ZNF804B: variants seen among roughly 807,000 people sequenced by gnomAD.
ZNF804B encodes the protein zinc finger 804B.
Under a neutral mutation model 101.4 loss-of-function variants are expected in ZNF804B, and 80 were observed. That is an observed-to-expected ratio of 0.79 (90% CI 0.66 to 0.95). The LOEUF is 0.95. Ranked by LOEUF, ZNF804B falls within the 40% of genes least tolerant of loss-of-function variation. The pLI, the probability that ZNF804B is intolerant of heterozygous loss-of-function variation, is 0.00. For synonymous variants in ZNF804B, 622 were observed against 558.8 expected (o/e 1.11, Z -1.59); for missense variants, 1,673 against 1,561.9 (o/e 1.07, Z -1.20).
intron 2 of ZNF804B, among the ~76,000 whole-genome samples, chr7:89,229,766 C>T (rs1031749455): frequency 1.3e-5 from 2 of 152,078 alleles, no homozygotes; most frequent in African/African-American, 2.4e-5. Context: ...AGTATACATT[C>T]GTCTCCAACT....
chr7:88,868,077 G>GTT (rs1791762129), intron 1 of ZNF804B, among the ~76,000 whole-genome samples: 5 of 151,324 alleles, frequency 3.3e-5, no homozygotes, highest in Admixed American at 3.3e-4. Flanking sequence ...GTGTGTGTGT[G>GTT]TGTGTGTGTA....
In ZNF804B at chr7:88,968,242, T is replaced by C. The variant is rs547939754; in HGVS notation, c.108+208158T>C. Among the ~76,000 whole-genome samples, 5 of 151,688 alleles carry C rather than the reference T, an allele frequency of 3.3e-5. No individual in the cohort carries two copies. In the East Asian group the frequency reaches 9.8e-4, roughly 30 times the overall value. On this transcript the variant is annotated intron_variant, in intron 1 of 3. Coordinates refer to ENST00000333190, the MANE Select transcript of ZNF804B (RefSeq NM_181646.5). ...ACCTTATGTTGAAATTTACTAATAC[T>C]ATTGTCCTTTTTTAAGCGATAACTT...
chr7:89,141,184 G>A (rs2116392933), intron 1 of ZNF804B, among the ~76,000 whole-genome samples: 1 of 152,034 alleles, frequency 6.6e-6, no homozygotes, highest in East Asian at 1.9e-4. Context: ...AATTACAATA[G>A]TAACATCAAA....
intron 2 of ZNF804B, among the ~76,000 whole-genome samples, chr7:89,299,530 A>G (rs1417464496): frequency 6.6e-6 from 1 of 152,056 alleles, no homozygotes. Context: ...TTCTGAAGTG[A>G]AATATCACAG....
At chr7:89,191,776 G>C (rs1788458249) in intron 1 of ZNF804B, among the ~76,000 whole-genome samples, 1 of 152,030 alleles carries the variant, frequency 6.6e-6, no homozygotes, top group South Asian at 2.1e-4. Flanking sequence ...TGAAAACGGA[G>C]AAAATTAATT....
At chr7:89,082,690 T>G (rs989606454) in intron 1 of ZNF804B, among the ~76,000 whole-genome samples, 1 of 151,790 alleles carries the variant, frequency 6.6e-6, no homozygotes, top group Non-Finnish European at 1.5e-5. Context: ...CTTATTAAAC[T>G]AACTTTTATG....
chr7:88,861,966 G>A (rs1460196170), intron 1 of ZNF804B, among the ~76,000 whole-genome samples: 1 of 152,088 alleles, frequency 6.6e-6, no homozygotes, highest in African/African-American at 2.4e-5. Flanking sequence ...GGGGCTGGGG[G>A]GACCCAATGC....
chr7:88,781,741 G>GA (rs1790229073), intron 1 of ZNF804B, among the ~76,000 whole-genome samples: 1 of 145,672 alleles, frequency 6.9e-6, no homozygotes, highest in African/African-American at 2.7e-5. Context: ...TCTGAGATTT[G>GA]AACACAGATC....
At chr7:88,820,947 G>A (rs775786847) in intron 1 of ZNF804B, among the ~76,000 whole-genome samples, 1 of 152,056 alleles carries the variant, frequency 6.6e-6, no homozygotes, top group Non-Finnish European at 1.5e-5. Flanking sequence ...TTGTTTTTTG[G>A]CTTGGCTGGT....
At chr7:88,805,373 T>G (rs537159250) in intron 1 of ZNF804B, among the ~76,000 whole-genome samples, 2 of 152,326 alleles carry the variant, frequency 1.3e-5, no homozygotes, top group Admixed American at 1.3e-4. Context: ...ATAAAATATT[T>G]TTAAATATTA....
chr7:88,856,483 C>T lies in ZNF804B; in HGVS notation c.108+96399C>T, dbSNP rs1366797235. The stretch of plus-strand genomic sequence containing the variant: ...TATCCTGAGACTTTGCTGAAGTTGC[C>T]TATCAGCTTAAGGAGATTTTGGGCT... On this transcript the variant is annotated intron_variant, in intron 1 of 3. Coordinates refer to ENST00000333190, the MANE Select transcript of ZNF804B (RefSeq NM_181646.5). Among the ~76,000 whole-genome samples the T allele has an allele frequency of 1.8e-4, 27 of 152,176 alleles. 1 individual carries two copies. Among genetic ancestry groups the T allele is most frequent in the South Asian group, 8.3e-4 (4 of 4,818 alleles).
chr7:88,917,886 CAGAT>C (rs1285732880), intron 1 of ZNF804B, among the ~76,000 whole-genome samples: 2 of 151,930 alleles, frequency 1.3e-5, no homozygotes, highest in East Asian at 1.9e-4. Context: ...TCAGAATACA[CAGAT>C]AGATCAGGAA....
At chr7:89,285,923 T>G (rs1011749315) in intron 2 of ZNF804B, among the ~76,000 whole-genome samples, 1 of 144,708 alleles carries the variant, frequency 6.9e-6, no homozygotes, top group South Asian at 2.1e-4. Context: ...CTCTTCTTCT[T>G]CCTTCTCCTC....
At chr7:88,809,793 T>C (rs1790754258) in intron 1 of ZNF804B, among the ~76,000 whole-genome samples, 1 of 152,186 alleles carries the variant, frequency 6.6e-6, no homozygotes, top group African/African-American at 2.4e-5. Context: ...TAAGAGTGAG[T>C]GCTTCCTGCC....
chr7:88,985,721 G>A (rs1284068572), intron 1 of ZNF804B, among the ~76,000 whole-genome samples: 1 of 152,068 alleles, frequency 6.6e-6, no homozygotes, highest in East Asian at 1.9e-4. Flanking sequence ...TGTATATAGG[G>A]CAAGGATCAG....
chr7:88,868,924 GCCTGTTT>G (rs1207393061), intron 1 of ZNF804B, among the ~76,000 whole-genome samples: 14 of 152,140 alleles, frequency 9.2e-5, no homozygotes, highest in African/African-American at 3.4e-4. Context: ...CACAAGTGCA[GCCTGTTT>G]ATTTTATTTT....
At chr7:89,173,422 A>G (rs894337087) in intron 1 of ZNF804B, among the ~76,000 whole-genome samples, 8 of 152,190 alleles carry the variant, frequency 5.3e-5, no homozygotes, top group African/African-American at 1.9e-4. Flanking sequence ...AATATTTAAT[A>G]AAGCTGATCC....
At chr7:88,975,518 A>G (rs1014798735) in intron 1 of ZNF804B, among the ~76,000 whole-genome samples, 1 of 151,434 alleles carries the variant, frequency 6.6e-6, no homozygotes, top group East Asian at 2.0e-4. Flanking sequence ...TTTGATTTGC[A>G]TATCTCTCAT....
intron 1 of ZNF804B, among the ~76,000 whole-genome samples, chr7:89,117,782 T>C (rs1167459681): frequency 6.6e-6 from 1 of 152,202 alleles, no homozygotes; most frequent in Non-Finnish European, 1.5e-5. Context: ...CTTGTAATCA[T>C]GTTGCTTTAT....
Sources: allele counts gnomAD v4.1 joint callset (sites outside exome capture counted in the v4.1 genomes callset), GRCh38; gene constraint gnomAD v4.1.1; transcripts MANE v1.5; gene names NCBI Gene and HGNC (gene_info 2026-07-23, HGNC 2026-07-21).